VAV3: variants seen among roughly 807,000 people sequenced by gnomAD.
VAV3 encodes guanine nucleotide exchange factor VAV3.
VAV3 carries 94 observed loss-of-function variants against 131.2 expected under a neutral mutation model. The ratio of observed to expected loss-of-function variants is 0.72; its 90% CI spans 0.61 to 0.85. The LOEUF (loss-of-function observed/expected upper bound fraction) is 0.85. Ranked by LOEUF, VAV3 falls within the 40% of genes least tolerant of loss-of-function variation. VAV3 has a pLI of 0.00. For synonymous variants in VAV3, 349 were observed against 342.0 expected, an observed-to-expected ratio of 1.02 and a Z score of -0.22; for missense variants, 939 against 1,002.7, an observed-to-expected ratio of 0.94 and a Z score of 0.86.
At position 107,617,651 on chromosome 1, in the gene VAV3, T is replaced by C; in HGVS notation, c.1915-19A>G. The C allele has an allele frequency of 3.3e-6, 5 of 1,525,126 alleles. No individual in the cohort carries two copies. The highest frequency in any genetic ancestry group is 4.5e-6 in the Non-Finnish European group (5 of 1,109,172). The allele number at this position is 1,525,126 out of a possible 1,614,324, so 94.5% of individuals were successfully genotyped here. A position where few individuals can be genotyped will look rare whatever the true frequency, so the allele number is the denominator to read the frequency against. ...TTCTGCCCTAAGGAAAAAAAAAAAA[T>C]GCCAGTGTTGAGAACAAATTTACCA... On this transcript the variant is annotated intron_variant, in intron 20 of 26. Transcript: ENST00000370056.
At chr1:107,643,546 A>T (rs988402779) in intron 19 of VAV3, among the ~76,000 whole-genome samples, 1 of 152,126 alleles carries the variant, frequency 6.6e-6, no homozygotes, top group African/African-American at 2.4e-5. Flanking sequence ...ACTGCTCCCA[A>T]CTAAGAGAGG....
At chr1:107,802,259 T>C (rs1666862861) in intron 2 of VAV3, among the ~76,000 whole-genome samples, 1 of 152,096 alleles carries the variant, frequency 6.6e-6, no homozygotes, top group Non-Finnish European at 1.5e-5. Context: ...TTTTGTGGAC[T>C]CTTTAGATTT....
At chr1:107,669,498 C>T in intron 19 of VAV3, 1 of 1,278,576 alleles carries the variant, frequency 7.8e-7, no homozygotes. Context: ...AAGAAATAAA[C>T]ACATTTTCAA....
At chr1:107,686,613 C>G (rs1400191966) in intron 18 of VAV3, among the ~76,000 whole-genome samples, 2 of 151,904 alleles carry the variant, frequency 1.3e-5, no homozygotes, top group African/African-American at 4.8e-5. Context: ...AGCCTCAGAG[C>G]TTACTATAAT....
chr1:107,607,615 C>T (rs1169804045), intron 22 of VAV3, among the ~76,000 whole-genome samples: 8 of 152,088 alleles, frequency 5.3e-5, no homozygotes, highest in South Asian at 2.1e-4. Context: ...GCAATTTGTC[C>T]GGACTACCAT....
At chr1:107,717,374 T>C (rs1252989464) in intron 15 of VAV3, among the ~76,000 whole-genome samples, 2 of 152,238 alleles carry the variant, frequency 1.3e-5, no homozygotes, top group African/African-American at 2.4e-5. Flanking sequence ...TGTGAGCATT[T>C]AGTGCTATAA....
intron 22 of VAV3, among the ~76,000 whole-genome samples, chr1:107,607,431 T>C (rs1159443568): frequency 6.6e-6 from 1 of 152,200 alleles, no homozygotes; most frequent in Non-Finnish European, 1.5e-5. Context: ...GAAACTGAGC[T>C]ACACAAGAGA....
chr1:107,745,440 T>TTC (rs1663284295), intron 15 of VAV3, among the ~76,000 whole-genome samples: 1 of 152,176 alleles, frequency 6.6e-6, no homozygotes, highest in Non-Finnish European at 1.5e-5. Context: ...ACTGCTACTT[T>TTC]TCTCTTTGTT....
intron 17 of VAV3, among the ~76,000 whole-genome samples, chr1:107,702,716 T>C (rs1272642922): frequency 6.6e-6 from 1 of 152,096 alleles, no homozygotes; most frequent in Admixed American, 6.6e-5. Flanking sequence ...ATTTTAAAGT[T>C]TGGTGCTCCT....
At chr1:107,601,241 A>C (rs1651835169) in intron 24 of VAV3, among the ~76,000 whole-genome samples, 1 of 152,140 alleles carries the variant, frequency 6.6e-6, no homozygotes, top group Non-Finnish European at 1.5e-5. Flanking sequence ...AATTTGACAG[A>C]GTTTACATTT....
rs550416282 is a variant in VAV3, at chr1:107,799,524, A to C, written c.322-20032T>G. ...GAATAATATGTAAATTAATATAGTAACTTACTTTCCACCAATAATTTTTCC... is the reference window on the plus strand; with the variant it reads ...GAATAATATGTAAATTAATATAGTACCTTACTTTCCACCAATAATTTTTCC... On this transcript the variant is annotated intron_variant, in intron 2 of 26. Coordinates refer to ENST00000370056, the MANE Select transcript of VAV3 (RefSeq NM_006113.5). Among the ~76,000 whole-genome samples the C allele has an allele frequency of 1.1e-3, 167 of 152,238 alleles. 1 individual carries two copies. The South Asian group carries it at 0.034, about 31-fold the overall frequency.
At chr1:107,960,156 G>A (rs1381828823) in intron 1 of VAV3, among the ~76,000 whole-genome samples, 1 of 152,142 alleles carries the variant, frequency 6.6e-6, no homozygotes, top group Non-Finnish European at 1.5e-5. Flanking sequence ...CAATGCAGTA[G>A]CCAAAGTAAC....
At chr1:107,693,183 G>A (rs1414997038) in intron 17 of VAV3, among the ~76,000 whole-genome samples, 7 of 152,144 alleles carry the variant, frequency 4.6e-5, no homozygotes, top group Admixed American at 2.0e-4. Context: ...CAGAGCTCCT[G>A]TATGTGTTGA....
At chr1:107,759,204 G>GA (rs1664282190) in intron 10 of VAV3, among the ~76,000 whole-genome samples, 1 of 152,184 alleles carries the variant, frequency 6.6e-6, no homozygotes, top group Admixed American at 6.5e-5. Flanking sequence ...GTTTGGCACA[G>GA]AGAAGCCATA....
chr1:107,959,662 CTT>C (rs944357127), intron 1 of VAV3, among the ~76,000 whole-genome samples: 5 of 152,274 alleles, frequency 3.3e-5, no homozygotes, highest in Admixed American at 6.5e-5. Context: ...GCTCATCAGA[CTT>C]TTTCTTCTTT....
At chr1:107,914,402 C>T (rs979253586) in intron 1 of VAV3, among the ~76,000 whole-genome samples, 1 of 152,200 alleles carries the variant, frequency 6.6e-6, no homozygotes, top group Non-Finnish European at 1.5e-5. Context: ...TAGAGTCACA[C>T]GAGTTGGCAC....
Position 107,760,832 on chromosome 1 carries a change from C to G in VAV3, c.969G>C (p.Leu323Phe), listed in dbSNP as rs1282850137. ...ANNGKFTLRD[L>F]LVVPMQRVLK... ...AAACACGTTGCATAGGAACCACAAG[C>G]AAGTCTCGAAGAGTAAATTTCCCAT... The change falls in exon 10 of 27, where the codon TTG becomes TTC. Residue 323 changes from leucine to phenylalanine, a missense_variant. Physicochemically the swap from Leu to Phe is conservative, Grantham distance 22. Transcript: ENST00000370056. 4.3e-6 allele frequency: 7 copies of G among 1,613,844 alleles called. No individual in the cohort carries two copies. The South Asian group carries it at 7.7e-5, about 18-fold the overall frequency.
At chr1:107,760,120 A>G (rs1353279277) in intron 10 of VAV3, among the ~76,000 whole-genome samples, 1 of 152,184 alleles carries the variant, frequency 6.6e-6, no homozygotes, top group East Asian at 1.9e-4. Context: ...TGTATTTCAC[A>G]TACAGGTAGT....
At chr1:107,958,565 T>C (rs1350958010) in intron 1 of VAV3, among the ~76,000 whole-genome samples, 3 of 152,204 alleles carry the variant, frequency 2.0e-5, no homozygotes, top group Non-Finnish European at 4.4e-5. Flanking sequence ...TAAGTTCAAG[T>C]GGTATTCAGA....
Sources: allele counts gnomAD v4.1 joint callset (sites outside exome capture counted in the v4.1 genomes callset), GRCh38; gene constraint gnomAD v4.1.1; transcripts MANE v1.5; gene names NCBI Gene and HGNC (gene_info 2026-07-23, HGNC 2026-07-21).